Variants in UNC13C observed in about 807,000 individuals in gnomAD.
The protein encoded by UNC13C is unc-13 homolog C.
Under a neutral mutation model 245.4 loss-of-function variants are expected in UNC13C, and 174 were observed. The ratio of observed to expected loss-of-function variants is 0.71; its 90% confidence interval spans 0.63 to 0.80. The LOEUF is 0.80. Among genes scored for constraint, UNC13C ranks in the 30% least tolerant of loss-of-function variants. The pLI is 0.00. For missense variants in UNC13C, 2,829 were observed against 2,602.9 expected (o/e 1.09, Z -1.89); for synonymous variants, 992 against 895.1 (o/e 1.11, Z -1.93).
At chr15:54,243,480 C>A (rs1270268339) in intron 7 of UNC13C, among the ~76,000 whole-genome samples, 1 of 152,134 alleles carries the variant, frequency 6.6e-6, no homozygotes, top group East Asian at 1.9e-4. Context: ...GAATGATTTA[C>A]ATTCCTTTGG....
chr15:54,389,788 G>A (rs778455455), intron 17 of UNC13C, among the ~76,000 whole-genome samples: 1 of 151,780 alleles, frequency 6.6e-6, no homozygotes, highest in Non-Finnish European at 1.5e-5. Flanking sequence ...GAGTGCAGTG[G>A]CACAATCTTG....
chr15:53,919,607 G>T, the UNC13C span, among the ~76,000 whole-genome samples: 4 of 152,110 alleles, frequency 2.6e-5, no homozygotes, highest in East Asian at 5.8e-4. Context: ...ATATTCCAAG[G>T]AGCTGACACA....
intron 17 of UNC13C, among the ~76,000 whole-genome samples, chr15:54,344,466 C>G (rs917795847): frequency 6.6e-6 from 1 of 152,060 alleles, no homozygotes; most frequent in African/African-American, 2.4e-5. Flanking sequence ...GTAGATAGAT[C>G]TTAGATTTTA....
intron 2 of UNC13C, among the ~76,000 whole-genome samples, chr15:54,116,637 C>G (rs550310215): frequency 6.6e-6 from 1 of 152,230 alleles, no homozygotes; most frequent in East Asian, 1.9e-4. Context: ...AATAATTTTC[C>G]ATTGTGTATA....
chr15:54,441,219 A>G (rs928703395), intron 19 of UNC13C, among the ~76,000 whole-genome samples: 2 of 151,884 alleles, frequency 1.3e-5, no homozygotes, highest in Non-Finnish European at 2.9e-5. Context: ...CTTTTGAGGT[A>G]TTAGCCCTGA....
intron 2 of UNC13C, among the ~76,000 whole-genome samples, chr15:54,132,020 C>T (rs1018090327): frequency 2.0e-5 from 3 of 151,326 alleles, no homozygotes; most frequent in Non-Finnish European, 4.4e-5. Flanking sequence ...TTGTTCATAT[C>T]TTTAACATCC....
chr15:54,437,200 G>A (rs1050250966), intron 19 of UNC13C, among the ~76,000 whole-genome samples: 1 of 151,854 alleles, frequency 6.6e-6, no homozygotes, highest in African/African-American at 2.4e-5. Flanking sequence ...GTGTGTGTTG[G>A]CAAATCCCCA....
At chr15:54,417,014 T>C in intron 19 of UNC13C, 1 of 456,304 alleles carries the variant, frequency 2.2e-6, no homozygotes, top group Non-Finnish European at 4.4e-6. Context: ...AAGATTTCCC[T>C]CACCGCATTA....
intron 14 of UNC13C, among the ~76,000 whole-genome samples, chr15:54,324,122 G>C (rs1219927686): frequency 1.3e-5 from 2 of 152,028 alleles, no homozygotes; most frequent in African/African-American, 4.8e-5. Flanking sequence ...AACTACATCA[G>C]AAAAGTTGGT....
intron 24 of UNC13C, among the ~76,000 whole-genome samples, chr15:54,513,841 T>A (rs986734773): frequency 5.3e-5 from 8 of 152,176 alleles, no homozygotes; most frequent in Admixed American, 5.2e-4. Flanking sequence ...TTTACCCTTT[T>A]CTGTGATTTT....
At chr15:54,161,820 C>T (rs1446085941) in intron 4 of UNC13C, among the ~76,000 whole-genome samples, 1 of 151,996 alleles carries the variant, frequency 6.6e-6, no homozygotes, top group African/African-American at 2.4e-5. Context: ...CAGGCATGCA[C>T]ATCTGTAGTC....
At chr15:54,426,158 T>G (rs878860013) in intron 19 of UNC13C, among the ~76,000 whole-genome samples, 1 of 151,624 alleles carries the variant, frequency 6.6e-6, no homozygotes, top group Admixed American at 6.6e-5. Flanking sequence ...GCTGAAGCCT[T>G]AATTCTTCTT....
chr15:54,345,539 G>A (rs2038840260), intron 17 of UNC13C, among the ~76,000 whole-genome samples: 1 of 152,208 alleles, frequency 6.6e-6, no homozygotes, highest in Non-Finnish European at 1.5e-5. Flanking sequence ...TAGCTACCAG[G>A]TGGTGAAGGG....
chr15:54,133,986 T>C (rs771031074), intron 2 of UNC13C, among the ~76,000 whole-genome samples: 2 of 152,150 alleles, frequency 1.3e-5, no homozygotes, highest in African/African-American at 2.4e-5. Context: ...TTGATATTCA[T>C]ATACATTGTG....
chr15:54,360,488 G>A (rs1255623990), intron 17 of UNC13C, among the ~76,000 whole-genome samples: 1 of 151,918 alleles, frequency 6.6e-6, no homozygotes, highest in Non-Finnish European at 1.5e-5. Flanking sequence ...CTGATATTGG[G>A]TACATATAGA....
chr15:54,496,817 G>A (rs1429467948), intron 20 of UNC13C, among the ~76,000 whole-genome samples: 1 of 151,302 alleles, frequency 6.6e-6, no homozygotes, highest in Non-Finnish European at 1.5e-5. Context: ...AGGACTTGAG[G>A]GAAAGGGAAG....
chr15:53,856,363 G>A, the UNC13C span, among the ~76,000 whole-genome samples: 1 of 136,576 alleles, frequency 7.3e-6, no homozygotes, highest in African/African-American at 2.5e-5. Context: ...GTGTGCTCTT[G>A]GTTCTCTAGT....
chr15:54,111,537 A>C (rs2141175480), intron 2 of UNC13C, among the ~76,000 whole-genome samples: 2 of 152,338 alleles, frequency 1.3e-5, no homozygotes, highest in Admixed American at 1.3e-4. Flanking sequence ...TCTCTGGGAA[A>C]CCACAGGGCC....
intron 24 of UNC13C, among the ~76,000 whole-genome samples, chr15:54,513,099 A>T (rs1894822370): frequency 6.6e-6 from 1 of 152,280 alleles, no homozygotes; most frequent in African/African-American, 2.4e-5. Context: ...GAGGGCATTG[A>T]TCTTATTTTA....
Sources: allele counts gnomAD v4.1 joint callset (sites outside exome capture counted in the v4.1 genomes callset), GRCh38; gene constraint gnomAD v4.1.1; transcripts MANE v1.5; gene names NCBI Gene and HGNC (gene_info 2026-07-23, HGNC 2026-07-21).